The following SUPT6H variants were observed in gnomAD, a reference collection of about 807,000 sequenced individuals.
SUPT6H encodes transcription elongation factor SPT6.
A neutral mutation model predicts 222.3 loss-of-function variants in SUPT6H; 11 were observed. The observed-to-expected ratio is 0.05, with a 90% CI of 0.03 to 0.08. SUPT6H has a LOEUF of 0.08. Among genes scored for constraint, SUPT6H ranks in the 10% least tolerant of loss-of-function variants. The pLI, the probability that SUPT6H is intolerant of heterozygous loss-of-function variation, is 1.00. For missense variants in SUPT6H, 1,422 were observed against 2,216.0 expected (o/e 0.64, Z 7.19); for synonymous variants, 762 against 801.2 (o/e 0.95, Z 0.83).
chr17:28,680,691 G>A (rs985660860), intron 11 of SUPT6H, among the ~76,000 whole-genome samples: 8 of 152,072 alleles, frequency 5.3e-5, no homozygotes, highest in Non-Finnish European at 1.0e-4. Flanking sequence ...TCACTCTGTC[G>A]CCCAGGTTGG....
At chr17:28,681,001 A>G (rs760074429) in intron 11 of SUPT6H, 30 of 412,262 alleles carry the variant, frequency 7.3e-5, no homozygotes, top group Non-Finnish European at 1.3e-4. Context: ...CCTAGGATGG[A>G]GAGCAGTGGT....
intron 19 of SUPT6H, among the ~76,000 whole-genome samples, chr17:28,685,600 C>T (rs2031343367): frequency 6.6e-6 from 1 of 151,990 alleles, no homozygotes; most frequent in African/African-American, 2.4e-5. Flanking sequence ...AGTGATCCTC[C>T]TGCCTTCCAA....
intron 13 of SUPT6H, 167 bp downstream of exon 13, chr17:28,682,147 A>G: frequency 1.9e-6 from 1 of 533,240 alleles, no homozygotes; most frequent in Non-Finnish European, 3.3e-6. Context: ...CTCCAAACCC[A>G]TTCCCGCCCG....
At chr17:28,686,829 G>C (rs763040458) in intron 21 of SUPT6H, 40 bp downstream of exon 21, 3 of 1,555,120 alleles carry the variant, frequency 1.9e-6, no homozygotes, top group Non-Finnish European at 2.6e-6. Flanking sequence ...GCCCAGGCAA[G>C]TGCTATTAAT....
chr17:28,700,060 C>G, intron 33 of SUPT6H, 113 bp from the exon 34 acceptor site: 1 of 1,502,806 alleles, frequency 6.7e-7, no homozygotes, highest in Non-Finnish European at 9.2e-7. Context: ...TCCACTGTGC[C>G]TATGCAGCTT....
At chr17:28,682,028 G>A in intron 13 of SUPT6H, 48 bp downstream of exon 13, 2 of 1,498,116 alleles carry the variant, frequency 1.3e-6, no homozygotes, top group Non-Finnish European at 1.8e-6. Flanking sequence ...CTGAGCAAGG[G>A]GAGTTACCCA....
Position 28,700,979 on chromosome 17 carries a change from A to G in SUPT6H, c.4845A>G (p.Pro1615=). ...PTPAQQPVAT[P]LMTPSYSYTT... ...CAGCCCAGCAGCCAGTGGCCACACCACTAATGACCCCTAGCTACTCCTACA... is the reference window on the plus strand; with the variant it reads ...CAGCCCAGCAGCCAGTGGCCACACCGCTAATGACCCCTAGCTACTCCTACA... The change falls in exon 36 of 37, where the codon CCA becomes CCG. Residue 1615 remains proline (P), a synonymous_variant. Transcript: ENST00000314616. 1 of 1,613,802 alleles carries G rather than the reference A, an allele frequency of 6.2e-7. No homozygotes were observed. Among genetic ancestry groups the G allele is most frequent in the Non-Finnish European group, 8.5e-7 (1 of 1,179,780 alleles).
chr17:28,685,051 C>G (rs1440642943), intron 19 of SUPT6H, 90 bp downstream of exon 19: 6 of 1,207,424 alleles, frequency 5.0e-6, no homozygotes, highest in Non-Finnish European at 7.1e-6. Context: ...AAGCAACATC[C>G]TATGCAAGAC....
At chr17:28,686,979 A>G in intron 21 of SUPT6H, 109 bp from the exon 22 acceptor site, 4 of 1,510,922 alleles carry the variant, frequency 2.6e-6, no homozygotes, top group South Asian at 1.3e-5. Flanking sequence ...TCAGGAAAAA[A>G]GATCCCAGAG....
At chr17:28,677,314 C>T (rs996031642) in intron 7 of SUPT6H, among the ~76,000 whole-genome samples, 2 of 151,186 alleles carry the variant, frequency 1.3e-5, no homozygotes, top group Non-Finnish European at 2.9e-5. Flanking sequence ...ACCTGGGAGG[C>T]GGAGGTTACA....
rs11656562 is a variant in SUPT6H, at chr17:28,673,338, G to A, written c.-31-33G>A. 3,681 of 1,392,254 alleles carry A rather than the reference G, an allele frequency of 2.6e-3. 7 individuals carry two copies. Among genetic ancestry groups the A allele is most frequent in the Non-Finnish European group, 3.5e-3 (3,483 of 991,362 alleles). The allele number at this position is 1,392,254 out of a possible 1,614,324, so 86.2% of individuals were successfully genotyped here. A position where few individuals can be genotyped will look rare whatever the true frequency, so the allele number is the denominator to read the frequency against. Reference sequence around the variant, plus strand: ...GAGCCCTCTGTACAATCATGTGTCCGTTTTTTTATCCTTCACTCTTTTCTT... The same window carrying A: ...GAGCCCTCTGTACAATCATGTGTCCATTTTTTTATCCTTCACTCTTTTCTT... On this transcript the variant is annotated intron_variant, in intron 1 of 36. Coordinates refer to ENST00000314616, the MANE Select transcript of SUPT6H (RefSeq NM_003170.5).
Position 28,674,834 on chromosome 17 carries a change from A to T in SUPT6H, c.346-136A>T. On this transcript the variant is annotated intron_variant, in intron 4 of 36. Transcript: ENST00000314616. ...CAAGGATGGGCTTTGAGGCTACAAGAGCATCACTCGGCATGTTCTTTCCCA... is the reference window on the plus strand; with the variant it reads ...CAAGGATGGGCTTTGAGGCTACAAGTGCATCACTCGGCATGTTCTTTCCCA... The T allele has an allele frequency of 1.0e-5, 12 of 1,148,642 alleles. No homozygotes were observed. In the South Asian group the frequency reaches 1.7e-4, roughly 17 times the overall value. The allele number at this position is 1,148,642 out of a possible 1,614,324, so 71.2% of individuals were successfully genotyped here.
intron 13 of SUPT6H, 120 bp from the exon 14 acceptor site, chr17:28,682,607 C>T (rs898878403): frequency 1.1e-5 from 15 of 1,408,936 alleles, no homozygotes; most frequent in South Asian, 2.7e-5. Flanking sequence ...GGCAACAGAG[C>T]GAGACCGTCT....
Position 28,687,420 on chromosome 17 carries a change from G to C in SUPT6H, c.2955G>C (p.Leu985Phe), listed in dbSNP as rs2031441761. Residue 985 changes from leucine to phenylalanine, a missense_variant, in exon 23 of 37, where the codon TTG becomes TTC. By Grantham distance (22) the Leu-to-Phe change is conservative (BLOSUM62 0). Around this residue, in one of 13 missense-constraint regions of SUPT6H, gnomAD observed 294 missense variants for 382.1 expected, o/e 0.77. Transcript: ENST00000314616. ...RAIAHPYSQA[L>F]IQYVCGLGPR... ...TTGCCCACCCTTACAGCCAGGCCTTGATCCAGTATGTTTGTGGCCTGGGAC... is the reference window on the plus strand; with the variant it reads ...TTGCCCACCCTTACAGCCAGGCCTTCATCCAGTATGTTTGTGGCCTGGGAC... The C allele has an allele frequency of 6.2e-7, 1 of 1,614,210 alleles. No homozygotes were observed. Among genetic ancestry groups the C allele is most frequent in the Non-Finnish European group, 8.5e-7 (1 of 1,180,042 alleles).
chr17:28,675,274 A>G (rs1597693078), intron 5 of SUPT6H, 112 bp downstream of exon 5: 5 of 1,482,760 alleles, frequency 3.4e-6, no homozygotes, highest in Admixed American at 1.9e-5. Context: ...ATTTGACACA[A>G]AGAAGTTCCT....
At chr17:28,689,647 A>G in intron 25 of SUPT6H, 86 bp downstream of exon 25, 1 of 1,261,692 alleles carries the variant, frequency 7.9e-7, no homozygotes, top group Non-Finnish European at 1.1e-6. Flanking sequence ...GTGTGCAGAG[A>G]AAGCCTGATA....
intron 27 of SUPT6H, among the ~76,000 whole-genome samples, chr17:28,692,406 T>C (rs1468931411): frequency 2.1e-5 from 3 of 143,770 alleles, no homozygotes; most frequent in African/African-American, 2.6e-5. Flanking sequence ...GCTGAGGCAG[T>C]TGGATCACCT....
intron 1 of SUPT6H, among the ~76,000 whole-genome samples, chr17:28,664,202 C>G (rs940629517): frequency 6.6e-6 from 1 of 152,086 alleles, no homozygotes; most frequent in Non-Finnish European, 1.5e-5. Flanking sequence ...AACTTTTGCT[C>G]TCTATCTAAT....
chr17:28,681,901 A>T lies in SUPT6H; in HGVS notation c.1518A>T (p.Glu506Asp). ...TCCCAGGTGAAGGTGACGAGGCAGA[A>T]GATGAGGAGCAGAGGGGGCCTGAGC... ...GDEEGEGDEA[E>D]DEEQRGPELK... is the part of the protein sequence containing the mutation. The change falls in exon 13 of 37, where the codon GAA (glutamate) becomes GAT (aspartate). Residue 506 changes from glutamate to aspartate, a missense_variant. By Grantham distance (45) the Glu-to-Asp change is conservative. Around this residue, in one of 13 missense-constraint regions of SUPT6H, gnomAD observed 389 missense variants for 544.6 expected, o/e 0.71. Coordinates refer to ENST00000314616, the MANE Select transcript of SUPT6H (RefSeq NM_003170.5). 1.2e-6 allele frequency: 2 copies of T among 1,610,078 alleles called. No individual in the cohort carries two copies. Among genetic ancestry groups the T allele is most frequent in the South Asian group, 2.2e-5 (2 of 89,382 alleles).
Sources: allele counts gnomAD v4.1 joint callset (sites outside exome capture counted in the v4.1 genomes callset), GRCh38; gene constraint gnomAD v4.1.1; regional missense constraint gnomAD v4.1.1; transcripts MANE v1.5; gene names NCBI Gene and HGNC (gene_info 2026-07-23, HGNC 2026-07-21).